ADGRA3: variants seen among roughly 807,000 people sequenced by gnomAD.
The protein encoded by ADGRA3 is adhesion G protein-coupled receptor A3.
Under a neutral mutation model 119.8 loss-of-function variants are expected in ADGRA3, and 56 were observed. That is an observed-to-expected ratio of 0.47 (90% CI 0.38 to 0.58). The LOEUF (loss-of-function observed/expected upper bound fraction) is 0.58. ADGRA3 is among the 20% of genes least tolerant of loss of function. The probability of loss-of-function intolerance (pLI) is 0.00; values close to 1 mark genes in which losing one functional copy is unlikely to be tolerated. For synonymous variants in ADGRA3, 607 were observed against 623.8 expected (o/e 0.97, Z 0.40); for missense variants, 1,516 against 1,649.0 (o/e 0.92, Z 1.40).
At chr4:22,509,396 G>A (rs998840717) in intron 1 of ADGRA3, among the ~76,000 whole-genome samples, 1 of 151,852 alleles carries the variant, frequency 6.6e-6, no homozygotes, top group Non-Finnish European at 1.5e-5. Context: ...CCAGCTACTC[G>A]GGGCGCTGAG....
intron 1 of ADGRA3, among the ~76,000 whole-genome samples, chr4:22,506,021 A>T (rs1719224117): frequency 6.6e-6 from 1 of 152,194 alleles, no homozygotes; most frequent in African/African-American, 2.4e-5. Context: ...AAGAGTAAAT[A>T]CCAAAAGTGA....
intron 12 of ADGRA3, among the ~76,000 whole-genome samples, chr4:22,416,717 A>G (rs1715444573): frequency 6.6e-6 from 1 of 152,176 alleles, no homozygotes; most frequent in Non-Finnish European, 1.5e-5. Flanking sequence ...GACTTCTACC[A>G]TTCAGTTTCA....
chr4:22,504,490 T>C (rs1265719267), intron 1 of ADGRA3, among the ~76,000 whole-genome samples: 2 of 152,272 alleles, frequency 1.3e-5, no homozygotes, highest in Middle Eastern at 3.4e-3. Flanking sequence ...AGCCCTCTCA[T>C]TTTATTCATT....
chr4:22,443,817 G>C lies in ADGRA3; in HGVS notation c.707-954C>G, dbSNP rs767835928. ...ATTTTCAGTCATGAACATAAACATG[G>C]TCTTTGTTTCTCTGCTTCTTTTATT... On this transcript the variant is annotated intron_variant, in intron 6 of 18. Transcript: ENST00000334304. Among the ~76,000 whole-genome samples, 6 of 151,972 alleles carry C rather than the reference G, an allele frequency of 3.9e-5. No individual in the cohort carries two copies. The East Asian group carries it at 1.2e-3, about 29-fold the overall frequency.
intron 1 of ADGRA3, among the ~76,000 whole-genome samples, chr4:22,505,362 T>C (rs1188145205): frequency 6.6e-6 from 1 of 152,152 alleles, no homozygotes; most frequent in African/African-American, 2.4e-5. Context: ...CCATTTAGAA[T>C]TTCTGAAATT....
chr4:22,418,769 C>T (rs969012539), intron 12 of ADGRA3, among the ~76,000 whole-genome samples: 1 of 151,954 alleles, frequency 6.6e-6, no homozygotes, highest in Non-Finnish European at 1.5e-5. Context: ...ACAGCCTGCA[C>T]AGAAGGGAAG....
intron 10 of ADGRA3, among the ~76,000 whole-genome samples, chr4:22,427,479 A>T (rs1715990517): frequency 1.3e-5 from 2 of 152,168 alleles, no homozygotes; most frequent in Admixed American, 1.3e-4. Flanking sequence ...AAAACAACAA[A>T]TATCTCTAAG....
At chr4:22,400,177 T>A (rs947153969) in intron 16 of ADGRA3, among the ~76,000 whole-genome samples, 1 of 152,126 alleles carries the variant, frequency 6.6e-6, no homozygotes, top group Non-Finnish European at 1.5e-5. Context: ...TCCCAATTTA[T>A]AGGTGAGAAA....
At chr4:22,504,764 A>G (rs890391690) in intron 1 of ADGRA3, among the ~76,000 whole-genome samples, 28 of 151,954 alleles carry the variant, frequency 1.8e-4, no homozygotes, top group Non-Finnish European at 3.1e-4. Context: ...CAGATGACAG[A>G]TGGTGACTAG....
At position 22,392,660 on chromosome 4, in the gene ADGRA3, C is replaced by T. The variant is rs776135006; in HGVS notation, c.2512G>A (p.Ala838Thr). 43 of 1,613,448 alleles carry T rather than the reference C, an allele frequency of 2.7e-5. No homozygotes were observed. The highest frequency in any genetic ancestry group is 3.6e-5 in the Non-Finnish European group (43 of 1,179,754). ...VGIILHYSTL[A>T]TVLWVGVTAR... is the part of the protein sequence containing the mutation. The stretch of plus-strand genomic sequence containing the variant: ...GTCACTCCTACCCATAGTACTGTGG[C>T]AAGGGTGGAATAGTGAAGAATTATC... Residue 838 changes from alanine to threonine, a missense_variant, in exon 17 of 19, where the codon GCC (alanine) becomes ACC (threonine). By Grantham distance (58) the Ala-to-Thr change is moderately conservative. This residue lies in a region of ADGRA3 where 1,088 missense variants were observed against 1,107.1 expected (regional missense o/e 0.98). Transcript: ENST00000334304.
intron 1 of ADGRA3, among the ~76,000 whole-genome samples, chr4:22,501,859 A>G (rs1175169273): frequency 6.6e-6 from 1 of 152,172 alleles, no homozygotes; most frequent in Non-Finnish European, 1.5e-5. Flanking sequence ...GTGGTTGCTA[A>G]CGTCTAGCTA....
chr4:22,506,546 C>T (rs1212160956), intron 1 of ADGRA3, among the ~76,000 whole-genome samples: 1 of 151,990 alleles, frequency 6.6e-6, no homozygotes, highest in African/African-American at 2.4e-5. Context: ...GAGTGAGACC[C>T]TATCTCAAAA....
intron 4 of ADGRA3, among the ~76,000 whole-genome samples, chr4:22,453,761 CT>C (rs895986646): frequency 2.0e-5 from 3 of 152,284 alleles, no homozygotes; most frequent in Non-Finnish European, 4.4e-5. Context: ...TTCTAAGCCC[CT>C]ATCTGCTTTT....
intron 1 of ADGRA3, among the ~76,000 whole-genome samples, chr4:22,502,865 G>C (rs1472435771): frequency 7.4e-6 from 1 of 135,498 alleles, no homozygotes; most frequent in African/African-American, 2.8e-5. Flanking sequence ...TAAGACTAAT[G>C]CAAGATTCTG....
At position 22,489,016 on chromosome 4, in the gene ADGRA3, C is replaced by A. The variant is rs1415228273; in HGVS notation, c.258-15173G>T. 2.6e-5 allele frequency among the ~76,000 whole-genome samples: 4 copies of A among 152,166 alleles called. No homozygotes were observed. The East Asian group carries it at 7.7e-4, about 29-fold the overall frequency. ...AGTTTATGTTGGGAATTGTGTTAGT[C>A]CATTTTCATGCTGCTGATAAAGACA... On this transcript the variant is annotated intron_variant, in intron 1 of 18. Transcript: ENST00000334304.
chr4:22,455,003 A>G (rs1318982245), intron 3 of ADGRA3, 66 bp from the exon 4 acceptor site: 1 of 1,109,022 alleles, frequency 9.0e-7, no homozygotes, highest in East Asian at 2.4e-5. Flanking sequence ...TCATGCATTC[A>G]GTATTCAAGA....
rs74406494 is a variant in ADGRA3, at chr4:22,413,075, T to TAAAAAAAAAAA, written c.2232+96_2232+106dup. On this transcript the variant is annotated intron_variant, in intron 14 of 18. Coordinates refer to ENST00000334304, the MANE Select transcript of ADGRA3 (RefSeq NM_145290.4). ...CAAAGGGAGCAAATTATGTTAAAAG[T>TAAAAAAAAAAA]AAAAAAAAAAAAAAAACAAAAAACA... The TAAAAAAAAAAA allele has an allele frequency of 5.2e-4, 377 of 727,202 alleles. 1 individual carries two copies. Among genetic ancestry groups the TAAAAAAAAAAA allele is most frequent in the African/African-American group, 1.2e-3 (54 of 46,794 alleles). The allele number at this position is 727,202 out of a possible 1,614,324, so 45.0% of individuals were successfully genotyped here. A position where few individuals can be genotyped will look rare whatever the true frequency, so the allele number is the denominator to read the frequency against.
intron 10 of ADGRA3, among the ~76,000 whole-genome samples, chr4:22,430,422 C>A (rs1442402238): frequency 6.6e-6 from 1 of 152,130 alleles, no homozygotes; most frequent in African/African-American, 2.4e-5. Flanking sequence ...AACTTGGGAA[C>A]TAGAGCAAAG....
chr4:22,449,627 G>A (rs1217628285), intron 4 of ADGRA3, among the ~76,000 whole-genome samples: 3 of 152,040 alleles, frequency 2.0e-5, no homozygotes, highest in Admixed American at 2.0e-4. Flanking sequence ...TGGGCAGATT[G>A]CCTGTGGTGA....
Sources: gnomAD v4.1 joint callset for allele counts (sites outside exome capture counted in the v4.1 genomes callset) on GRCh38, gnomAD v4.1.1 for gene constraint, gnomAD v4.1.1 regional missense constraint, MANE v1.5 for transcripts, NCBI Gene and HGNC (gene_info 2026-07-23, HGNC 2026-07-21) for gene names.